The following FAM184A variants were observed in gnomAD, a reference collection of about 807,000 sequenced individuals.
FAM184A encodes family with sequence similarity 184 member A.
A neutral mutation model predicts 143.8 loss-of-function variants in FAM184A; 99 were observed. The ratio of observed to expected loss-of-function variants is 0.69; its 90% CI spans 0.58 to 0.81. The LOEUF is 0.81. Ranked by LOEUF, FAM184A falls within the 40% of genes least tolerant of loss-of-function variation. FAM184A has a pLI of 0.00. For missense variants in FAM184A, 1,217 were observed against 1,310.5 expected (o/e 0.93, Z 1.10); for synonymous variants, 427 against 446.4 (o/e 0.96, Z 0.55).
chr6:119,130,645 C>T (rs1789510891), intron 1 of FAM184A, among the ~76,000 whole-genome samples: 1 of 152,144 alleles, frequency 6.6e-6, no homozygotes, highest in South Asian at 2.1e-4. Context: ...CCCTGATGGA[C>T]CCTGCTGCAC....
chr6:118,970,008 A>ATATATATATATATATATTTTTTTTTT, intron 14 of FAM184A, among the ~76,000 whole-genome samples: 11 of 19,036 alleles, frequency 5.8e-4, no homozygotes, highest in Non-Finnish European at 1.1e-3. Flanking sequence ...ATATATATAT[A>ATATATATATATATATATTTTTTTTTT]TTTTTTTTTT....
rs530280011 is a variant in FAM184A, at chr6:118,979,216, G to A, written c.2455+149C>T. On this transcript the variant is annotated intron_variant, in intron 11 of 17. Coordinates refer to ENST00000338891, the MANE Select transcript of FAM184A (RefSeq NM_024581.6). ...CTGTTTGTGTCCTGCCTATTCATGT[G>A]GTAACTTCAAATAAAATATGCAGTA... The A allele has an allele frequency of 1.0e-3, 720 of 699,418 alleles. 1 individual carries two copies. Among genetic ancestry groups the A allele is most frequent in the Non-Finnish European group, 1.5e-3 (663 of 438,882 alleles). The allele number at this position is 699,418 out of a possible 1,614,324, so 43.3% of individuals were successfully genotyped here.
intron 4 of FAM184A, among the ~76,000 whole-genome samples, chr6:119,017,592 C>A (rs1785305418): frequency 6.6e-6 from 1 of 151,858 alleles, no homozygotes; most frequent in Non-Finnish European, 1.5e-5. Context: ...TCACTCAATA[C>A]AATTTTGAAT....
chr6:119,092,025 A>G (rs1317552420), intron 1 of FAM184A, among the ~76,000 whole-genome samples: 2 of 152,176 alleles, frequency 1.3e-5, no homozygotes, highest in Non-Finnish European at 2.9e-5. Context: ...CCTCATTGCT[A>G]AGAGCCTCTC....
chr6:119,144,110 G>A (rs930980559), intron 1 of FAM184A, among the ~76,000 whole-genome samples: 10 of 151,800 alleles, frequency 6.6e-5, no homozygotes, highest in African/African-American at 2.4e-4. Context: ...GGTGGATCAC[G>A]AGGTCAGAAG....
At chr6:119,037,703 T>C (rs1273168113) in intron 1 of FAM184A, among the ~76,000 whole-genome samples, 1 of 152,218 alleles carries the variant, frequency 6.6e-6, no homozygotes, top group Non-Finnish European at 1.5e-5. Flanking sequence ...AAAATAATAT[T>C]TGCTAAGCAT....
chr6:119,051,687 T>C (rs1044765649), intron 1 of FAM184A, among the ~76,000 whole-genome samples: 3 of 151,728 alleles, frequency 2.0e-5, no homozygotes, highest in African/African-American at 7.3e-5. Flanking sequence ...GAGAGTATCT[T>C]GCCAAAAAAG....
chr6:119,129,729 G>T (rs1330051514), intron 1 of FAM184A, among the ~76,000 whole-genome samples: 5 of 147,896 alleles, frequency 3.4e-5, no homozygotes, highest in African/African-American at 7.5e-5. Flanking sequence ...TGTGTGGGGG[G>T]TTGTTATTGT....
rs78715070 is a variant in FAM184A at position 119,103,242 on chromosome 6, T to C, written c.-202+45836A>G. Among the ~76,000 whole-genome samples, 962 of 152,320 alleles carry C rather than the reference T, an allele frequency of 6.3e-3. 6 individuals carry two copies. Among genetic ancestry groups the C allele is most frequent in the African/African-American group, 0.022 (933 of 41,572 alleles). On this transcript the variant is annotated intron_variant, in intron 1 of 16. Coordinates refer to the FAM184A transcript ENST00000352896. ...CAGTCAGAGTATGAAGCCAGGACAC[T>C]GATGAGTGTAGAGTGGAAAGACGAA...
intron 9 of FAM184A, among the ~76,000 whole-genome samples, chr6:118,987,249 G>C (rs1784223812): frequency 6.6e-6 from 1 of 152,124 alleles, no homozygotes; most frequent in African/African-American, 2.4e-5. Context: ...ACACTACAAT[G>C]GCATAGAGTT....
chr6:119,100,879 A>T (rs1788620473), intron 1 of FAM184A, among the ~76,000 whole-genome samples: 3 of 151,568 alleles, frequency 2.0e-5, no homozygotes, highest in African/African-American at 7.3e-5. Flanking sequence ...GAATCGCTTA[A>T]ACGCGGAAGG....
intron 1 of FAM184A, among the ~76,000 whole-genome samples, chr6:119,130,220 C>T (rs929978214): frequency 5.7e-4 from 87 of 152,236 alleles, no homozygotes; most frequent in African/African-American, 2.1e-3. Flanking sequence ...AATCTGAAAA[C>T]CACCATTTGA....
chr6:119,082,755 G>A (rs917196241), upstream of FAM184A, among the ~76,000 whole-genome samples: 16 of 152,220 alleles, frequency 1.1e-4, no homozygotes, highest in African/African-American at 3.9e-4. Context: ...TGCTTTCATG[G>A]GCCAGTGTTG....
At chr6:119,066,219 A>T (rs1300438079) in intron 1 of FAM184A, among the ~76,000 whole-genome samples, 1 of 152,208 alleles carries the variant, frequency 6.6e-6, no homozygotes, top group Non-Finnish European at 1.5e-5. Context: ...CAAATGTACT[A>T]ACCTTAGAAT....
intron 1 of FAM184A, among the ~76,000 whole-genome samples, chr6:119,036,834 T>G (rs1042418874): frequency 2.6e-5 from 4 of 152,176 alleles, no homozygotes; most frequent in African/African-American, 9.7e-5. Context: ...TAATATATAT[T>G]AAGTGTCAAG....
chr6:119,024,069 T>C lies in FAM184A; in HGVS notation c.904A>G (p.Ile302Val), dbSNP rs763490412. The C allele has an allele frequency of 4.3e-6, 7 of 1,614,198 alleles. No homozygotes were observed. Among genetic ancestry groups the C allele is most frequent in the South Asian group, 1.1e-5 (1 of 91,082 alleles). The change falls in exon 2 of 18, where the codon ATA becomes GTA. Residue 302 changes from isoleucine to valine, a missense_variant. By Grantham distance (29) the Ile-to-Val change is conservative (BLOSUM62 3). Coordinates refer to ENST00000338891, the MANE Select transcript of FAM184A (RefSeq NM_024581.6). ...QGQEAILRKT[I>V]GKLKTELQMV... ...TGTAACTCTGTCTTTAATTTTCCTA[T>C]AGTTTTTCGTAAAATTGCTTCTTGT...
intron 5 of FAM184A, among the ~76,000 whole-genome samples, chr6:119,012,883 C>T (rs1400716219): frequency 1.3e-5 from 2 of 152,206 alleles, no homozygotes; most frequent in Non-Finnish European, 2.9e-5. Flanking sequence ...TCTGTATATT[C>T]ACTCTCAGTT....
chr6:119,143,715 A>G (rs1267244484), intron 1 of FAM184A, among the ~76,000 whole-genome samples: 1 of 152,238 alleles, frequency 6.6e-6, no homozygotes, highest in Non-Finnish European at 1.5e-5. Flanking sequence ...TCACAAAAGG[A>G]CACACACTGT....
At chr6:119,076,508 T>C (rs1225327721) in intron 1 of FAM184A, among the ~76,000 whole-genome samples, 21 of 152,166 alleles carry the variant, frequency 1.4e-4, no homozygotes, top group Admixed American at 1.3e-3. Context: ...GACTTATTTT[T>C]TTCTGATAAA....
Sources: allele counts gnomAD v4.1 joint callset (sites outside exome capture counted in the v4.1 genomes callset), GRCh38; gene constraint gnomAD v4.1.1; transcripts MANE v1.5; gene names NCBI Gene and HGNC (gene_info 2026-07-23, HGNC 2026-07-21).